The following WNT4 variants were observed in gnomAD, a reference collection of about 807,000 sequenced individuals.
WNT4 encodes protein Wnt-4.
A neutral mutation model predicts 34.5 loss-of-function variants in WNT4; 16 were observed. The ratio of observed to expected loss-of-function variants is 0.46; its 90% CI spans 0.31 to 0.70. The LOEUF (loss-of-function observed/expected upper bound fraction) is 0.70. Ranked by LOEUF, WNT4 falls within the 30% of genes least tolerant of loss-of-function variation. The pLI, the probability that WNT4 is intolerant of heterozygous loss-of-function variation, is 0.04. For synonymous variants in WNT4, 200 were observed against 211.9 expected (o/e 0.94, Z 0.49); for missense variants, 379 against 495.9 (o/e 0.76, Z 2.24).
rs1645863982 is a variant in WNT4, at chr1:22,118,253, A to G, written c.*1797T>C. ...CTCGGACGTTGAATTCAGCCACTGA[A>G]CACAGGAGCCAGGAGCTTGGAGTCT... On this transcript the variant is annotated 3_prime_UTR_variant, in exon 5 of 5. Coordinates refer to ENST00000290167, the MANE Select transcript of WNT4 (RefSeq NM_030761.5). The G allele has an allele frequency of 6.6e-6, 1 of 152,264 alleles. No homozygotes were observed. The allele number at this position is 152,264 out of a possible 1,614,324, so 9.4% of individuals were successfully genotyped here.
chr1:22,127,482 C>G (rs2235527), intron 2 of WNT4: 82,678 of 531,796 alleles, frequency 0.16, 6,954 homozygotes, highest in Admixed American at 0.21. Context: ...GCTTTGCCAC[C>G]TGCCAAGAAA....
chr1:22,142,908 C>T lies in WNT4; in HGVS notation c.15G>A (p.Ser5=), dbSNP rs777222019. 1 of 1,187,364 alleles carries T rather than the reference C, an allele frequency of 8.4e-7. No homozygotes were observed. Among genetic ancestry groups the T allele is most frequent in the Non-Finnish European group, 1.1e-6 (1 of 932,646 alleles). The allele number at this position is 1,187,364 out of a possible 1,614,324, so 73.6% of individuals were successfully genotyped here. MSPR[S]CLRSLRLLVF... is the part of the protein sequence containing the mutation. ...CGAGGAGGCGCAGCGAACGCAGGCA[C>T]GAGCGGGGACTCATGGTGCCGCCGC... The change falls in exon 1 of 5, where the codon TCG becomes TCA. Residue 5 remains serine, a synonymous_variant. Transcript: ENST00000290167. The surrounding 1 kb of genome is among the most constrained non-coding windows in gnomAD (Gnocchi z 6.0).
chr1:22,123,807 C>A (rs999993202), intron 2 of WNT4, among the ~76,000 whole-genome samples: 3 of 152,180 alleles, frequency 2.0e-5, no homozygotes, highest in Admixed American at 6.5e-5. Context: ...ACATATGGAG[C>A]CAAGAAGGGC....
At chr1:22,133,880 GA>G (rs1204095870) in intron 1 of WNT4, among the ~76,000 whole-genome samples, 2 of 152,244 alleles carry the variant, frequency 1.3e-5, no homozygotes, top group Non-Finnish European at 2.9e-5. Context: ...CTGCCAGGGA[GA>G]TCAGATCCTC....
At chr1:22,121,053 C>A (rs573339109) in intron 4 of WNT4, among the ~76,000 whole-genome samples, 158 bp downstream of exon 4, 2 of 152,150 alleles carry the variant, frequency 1.3e-5, no homozygotes, top group Admixed American at 6.5e-5. Context: ...TCTGTACCCC[C>A]CTCTGGCCTG....
rs777227086 is a variant in WNT4 at position 22,120,140 on chromosome 1, C to G, written c.966G>C (p.Leu322=). 6.2e-7 allele frequency: 1 copy of G among 1,613,436 alleles called. No individual in the cohort carries two copies. The highest frequency in any genetic ancestry group is 1.7e-5 in the Admixed American group (1 of 60,008). ...GGAATTTGCAGCTGCAGCGTTCAGC[C>G]AGCTCCACCTGCGCCGTGTGGAAGC... ...GRGFHTAQVE[L]AERCSCKFHW... The change falls in exon 5 of 5, where the codon CTG becomes CTC. Residue 322 remains leucine (L), a synonymous_variant. Coordinates refer to ENST00000290167, the MANE Select transcript of WNT4 (RefSeq NM_030761.5).
chr1:22,127,302 C>A, intron 2 of WNT4: 1 of 528,324 alleles, frequency 1.9e-6, no homozygotes, highest in Non-Finnish European at 3.9e-6. Context: ...GTGTGGGTGC[C>A]CCCTTGGTTC....
chr1:22,121,869 G>T (rs985586560), intron 2 of WNT4, among the ~76,000 whole-genome samples: 1 of 152,190 alleles, frequency 6.6e-6, no homozygotes, highest in East Asian at 1.9e-4. Context: ...ACAGAGGCTC[G>T]GGGGCTTTTC....
At chr1:22,129,352 C>T (rs545467847) in intron 2 of WNT4, among the ~76,000 whole-genome samples, 3 of 152,352 alleles carry the variant, frequency 2.0e-5, no homozygotes, top group South Asian at 2.1e-4. Flanking sequence ...AGTGGAAACA[C>T]GGTGCTCTTT....
intron 2 of WNT4, among the ~76,000 whole-genome samples, chr1:22,123,747 CCAGAGG>C (rs1461756058): frequency 6.6e-6 from 1 of 152,158 alleles, no homozygotes; most frequent in African/African-American, 2.4e-5. Flanking sequence ...ATTCTGCCTC[CCAGAGG>C]CTCTGAGCCC....
chr1:22,142,946 C>CA lies in WNT4; in HGVS notation c.-25_-24insT. ...ATGGTGCCGCCGCGGGCGCCCGGCC[C>CA]GGGGCAGCGGCTGCGGCCGCGGGGG... On this transcript the variant is annotated 5_prime_UTR_variant, in exon 1 of 5. Transcript: ENST00000290167. The surrounding 1 kb of genome is among the most constrained non-coding windows in gnomAD (Gnocchi z 6.0). 9.5e-7 allele frequency: 1 copy of CA among 1,055,110 alleles called. No homozygotes were observed. Among genetic ancestry groups the CA allele is most frequent in the South Asian group, 2.7e-5 (1 of 37,498 alleles). 65.4% of individuals were successfully genotyped at this position (1,055,110 alleles called of 1,614,324 possible). A position where few individuals can be genotyped will look rare whatever the true frequency, so the allele number is the denominator to read the frequency against.
In WNT4 at chr1:22,142,800, G is replaced by GCCTGCCCCGC. The variant is rs1553201067; in HGVS notation, c.77+36_77+45dup. The GCCTGCCCCGC allele has an allele frequency of 7.3e-5, 81 of 1,113,102 alleles. No homozygotes were observed. Among genetic ancestry groups the GCCTGCCCCGC allele is most frequent in the East Asian group, 2.0e-4 (2 of 9,794 alleles). The allele number at this position is 1,113,102 out of a possible 1,614,324, so 69.0% of individuals were successfully genotyped here. On this transcript the variant is annotated intron_variant, in intron 1 of 4. Coordinates refer to ENST00000290167, the MANE Select transcript of WNT4 (RefSeq NM_030761.5). The surrounding 1 kb of genome is among the most constrained non-coding windows in gnomAD (Gnocchi z 6.0). The stretch of plus-strand genomic sequence containing the variant: ...CCTGGCACCGGCCGCTGCCCCCGGG[G>GCCTGCCCCGC]CCTGCCCCGCCCCGCCCCGCCCCGC...
Position 22,119,730 on chromosome 1 carries a change from T to C in WNT4, c.*320A>G. 1 of 465,632 alleles carries C rather than the reference T, an allele frequency of 2.1e-6. No individual in the cohort carries two copies. Among genetic ancestry groups the C allele is most frequent in the South Asian group, 2.2e-5 (1 of 45,556 alleles). The allele number at this position is 465,632 out of a possible 1,614,324, so 28.8% of individuals were successfully genotyped here. A position where few individuals can be genotyped will look rare whatever the true frequency, so the allele number is the denominator to read the frequency against. On this transcript the variant is annotated 3_prime_UTR_variant, in exon 5 of 5. Transcript: ENST00000290167. ...ATGTGGTGGTAATACTCCTTGTTAC[T>C]CCACCTTAGGTCTGCAAGTAGAAAA...
intron 2 of WNT4, among the ~76,000 whole-genome samples, chr1:22,126,544 A>T (rs1645941740): frequency 6.6e-6 from 1 of 152,100 alleles, no homozygotes; most frequent in Non-Finnish European, 1.5e-5. Flanking sequence ...CACGAGGATG[A>T]CCTGACGTGA....
At position 22,139,165 on chromosome 1, in the gene WNT4, G is replaced by A. The variant is rs922825569; in HGVS notation, c.77+3681C>T. 6.6e-6 allele frequency among the ~76,000 whole-genome samples: 1 copy of A among 152,170 alleles called. No homozygotes were observed. Among genetic ancestry groups the A allele is most frequent in the African/African-American group, 2.4e-5 (1 of 41,432 alleles). On this transcript the variant is annotated intron_variant, in intron 1 of 4. Coordinates refer to ENST00000290167, the MANE Select transcript of WNT4 (RefSeq NM_030761.5). This position sits in a 1 kb window ranked among gnomAD's most constrained non-coding sequence, Gnocchi z 4.6. ...GACAGCCTGGGATAAACAGGGCTTG[G>A]GAGCAGCAGCCTGAAGGCCCGTTTT...
intron 1 of WNT4, among the ~76,000 whole-genome samples, chr1:22,136,116 C>A (rs12091003): frequency 0.055 from 8,347 of 152,210 alleles, 357 homozygotes; most frequent in East Asian, 0.14. Context: ...GTATTCCCAG[C>A]GAGCTGGTGG....
intron 2 of WNT4, among the ~76,000 whole-genome samples, chr1:22,122,536 T>C (rs1193478539): frequency 6.6e-6 from 1 of 152,168 alleles, no homozygotes; most frequent in Non-Finnish European, 1.5e-5. Flanking sequence ...GGGCAGTGTG[T>C]GAGCTGGAGT....
chr1:22,128,515 A>C (rs1039037056), intron 2 of WNT4, among the ~76,000 whole-genome samples: 2 of 151,998 alleles, frequency 1.3e-5, no homozygotes, highest in Non-Finnish European at 1.5e-5. Context: ...ATGCCATCTC[A>C]CATTTCTGGT....
chr1:22,127,926 C>T (rs1184578861), intron 2 of WNT4, among the ~76,000 whole-genome samples: 1 of 152,148 alleles, frequency 6.6e-6, no homozygotes, highest in East Asian at 1.9e-4. Flanking sequence ...GAGAGGGTGA[C>T]AGCCTGCCAT....
Sources: gnomAD v4.1 joint callset for allele counts (sites outside exome capture counted in the v4.1 genomes callset) on GRCh38, gnomAD v4.1.1 for gene constraint, Gnocchi (gnomAD v3.1) non-coding constraint, MANE v1.5 for transcripts, NCBI Gene and HGNC (gene_info 2026-07-23, HGNC 2026-07-21) for gene names.